Variants in TESK2 observed in about 807,000 individuals in gnomAD.
TESK2 encodes the protein dual specificity testis-specific protein kinase 2.
In TESK2, 39 loss-of-function variants were observed where a neutral mutation model predicts 57.1. That is an observed-to-expected ratio of 0.68 (90% CI 0.53 to 0.89). The LOEUF (loss-of-function observed/expected upper bound fraction) is 0.89. Among genes scored for constraint, TESK2 ranks in the 40% least tolerant of loss-of-function variants. The pLI is 0.00. For synonymous variants in TESK2, 249 were observed against 267.9 expected, an observed-to-expected ratio of 0.93 and a Z score of 0.69; for missense variants, 646 against 732.1, an observed-to-expected ratio of 0.88 and a Z score of 1.36.
chr1:45,417,614 CAG>C (rs1160522019), intron 3 of TESK2, among the ~76,000 whole-genome samples: 2 of 151,200 alleles, frequency 1.3e-5, no homozygotes, highest in East Asian at 3.9e-4. Context: ...TTTTTTGAGA[CAG>C]AGTCTCGCTC....
chr1:45,465,397 T>G (rs1180359430), intron 1 of TESK2, among the ~76,000 whole-genome samples: 1 of 114,736 alleles, frequency 8.7e-6, no homozygotes, highest in African/African-American at 3.5e-5. Context: ...GGTGACAGAG[T>G]GAGACTCCAA....
rs1248941556 is a variant in TESK2, at chr1:45,344,418, C to G, written c.*422G>C. ...TTCAGGTCTGGGAAACAGCCATGAC[C>G]ATTACGGCCTCTTGATCAGCTCCAT... On this transcript the variant is annotated 3_prime_UTR_variant, in exon 11 of 11. Coordinates refer to ENST00000372086, the MANE Select transcript of TESK2 (RefSeq NM_007170.3). 5.7e-6 allele frequency: 1 copy of G among 176,978 alleles called. No individual in the cohort carries two copies. Among genetic ancestry groups the G allele is most frequent in the African/African-American group, 2.4e-5 (1 of 41,854 alleles). The allele number at this position is 176,978 out of a possible 1,614,324, so 11.0% of individuals were successfully genotyped here. A position where few individuals can be genotyped will look rare whatever the true frequency, so the allele number is the denominator to read the frequency against.
rs561417592 is a variant in TESK2 at position 45,422,260 on chromosome 1, G to A, written c.223-414C>T. Among the ~76,000 whole-genome samples, 14 of 152,228 alleles carry A rather than the reference G, an allele frequency of 9.2e-5. 1 individual carries two copies. The South Asian group carries it at 1.9e-3, about 20-fold the overall frequency. Reference sequence around the variant, plus strand: ...ATGGACACAGAGAGGGAAACAACACGCACCAGGGCCTGTTAGCGGGTGGGG... The same window carrying A: ...ATGGACACAGAGAGGGAAACAACACACACCAGGGCCTGTTAGCGGGTGGGG... On this transcript the variant is annotated intron_variant, in intron 2 of 10. Coordinates refer to ENST00000372086, the MANE Select transcript of TESK2 (RefSeq NM_007170.3).
intron 4 of TESK2, among the ~76,000 whole-genome samples, chr1:45,366,912 T>C (rs899099841): frequency 6.6e-5 from 10 of 152,166 alleles, no homozygotes; most frequent in African/African-American, 1.4e-4. Flanking sequence ...GGTGGGCAGA[T>C]TGCTTGAGCT....
At chr1:45,467,103 T>C (rs1040829585) in intron 1 of TESK2, among the ~76,000 whole-genome samples, 1 of 152,138 alleles carries the variant, frequency 6.6e-6, no homozygotes, top group Non-Finnish European at 1.5e-5. Flanking sequence ...AGACATCCAC[T>C]ATACTAATAA....
intron 1 of TESK2, among the ~76,000 whole-genome samples, chr1:45,458,734 T>C (rs1315108800): frequency 6.6e-6 from 1 of 151,850 alleles, no homozygotes; most frequent in African/African-American, 2.4e-5. Context: ...TATTATATAA[T>C]TTTTAAAAAA....
intron 4 of TESK2, among the ~76,000 whole-genome samples, chr1:45,384,761 G>A (rs1324788540): frequency 1.3e-5 from 2 of 151,474 alleles, no homozygotes; most frequent in African/African-American, 4.9e-5. Context: ...CCCTGGGGCA[G>A]GTATTATTAA....
At position 45,356,728 on chromosome 1, in the gene TESK2, T is replaced by G. The variant is rs187069389; in HGVS notation, c.394-1279A>C. 8.5e-5 allele frequency among the ~76,000 whole-genome samples: 13 copies of G among 152,120 alleles called. No homozygotes were observed. In the East Asian group the frequency reaches 2.1e-3, roughly 25 times the overall value. Reference sequence around the variant, plus strand: ...GGAAATGATCTAAATAGAGTCAGTTTGAAGCTTAAGAACAAAGTCTAAGTG... The same window carrying G: ...GGAAATGATCTAAATAGAGTCAGTTGGAAGCTTAAGAACAAAGTCTAAGTG... On this transcript the variant is annotated intron_variant, in intron 4 of 10. Coordinates refer to ENST00000372086, the MANE Select transcript of TESK2 (RefSeq NM_007170.3).
chr1:45,400,054 TGGC>T (rs1649536766), intron 3 of TESK2, among the ~76,000 whole-genome samples: 1 of 152,138 alleles, frequency 6.6e-6, no homozygotes, highest in Admixed American at 6.6e-5. Flanking sequence ...TCGCATTATA[TGGC>T]AAGGGAAATA....
Position 45,350,237 on chromosome 1 carries a change from G to A in TESK2, c.541-2237C>T, listed in dbSNP as rs562645227. ...CTGAGCTGACAAGAGACTCAAAAGG[G>A]TGGCCATGGATGCATTTCCTGGAAA... On this transcript the variant is annotated intron_variant, in intron 5 of 10. Coordinates refer to ENST00000372086, the MANE Select transcript of TESK2 (RefSeq NM_007170.3). 3.3e-5 allele frequency among the ~76,000 whole-genome samples: 5 copies of A among 151,834 alleles called. No homozygotes were observed. In the South Asian group the frequency reaches 8.3e-4, roughly 25 times the overall value.
intron 3 of TESK2, chr1:45,413,809 G>A (rs1178306621): frequency 2.2e-6 from 1 of 456,100 alleles, no homozygotes; most frequent in East Asian, 6.9e-5. Flanking sequence ...CCAAGAGATG[G>A]ATTCTTCCCA....
At chr1:45,394,458 T>C (rs1316743922) in intron 3 of TESK2, among the ~76,000 whole-genome samples, 3 of 151,522 alleles carry the variant, frequency 2.0e-5, no homozygotes, top group Non-Finnish European at 4.4e-5. Context: ...AAGGATTGCT[T>C]TTGTACTTTA....
intron 2 of TESK2, among the ~76,000 whole-genome samples, chr1:45,456,548 G>A (rs1379035492): frequency 1.3e-5 from 2 of 151,654 alleles, no homozygotes; most frequent in African/African-American, 4.8e-5. Context: ...TAAAATAAAG[G>A]GGAAATAACA....
At chr1:45,369,644 A>G (rs1648094212) in intron 4 of TESK2, among the ~76,000 whole-genome samples, 2 of 152,160 alleles carry the variant, frequency 1.3e-5, no homozygotes, top group African/African-American at 2.4e-5. Context: ...CGGCCGAGAA[A>G]AAGAATCAGG....
chr1:45,464,672 C>G (rs549291694), intron 1 of TESK2, among the ~76,000 whole-genome samples: 2 of 152,306 alleles, frequency 1.3e-5, no homozygotes, highest in East Asian at 3.9e-4. Context: ...ACCTTACTAA[C>G]CTCCTCAGTG....
At chr1:45,425,574 G>C (rs1192090894) in intron 2 of TESK2, among the ~76,000 whole-genome samples, 1 of 152,080 alleles carries the variant, frequency 6.6e-6, no homozygotes, top group Non-Finnish European at 1.5e-5. Context: ...AGGATTGCTT[G>C]AGCCCAGGAG....
At chr1:45,379,252 C>T (rs946794644) in intron 4 of TESK2, among the ~76,000 whole-genome samples, 1 of 152,132 alleles carries the variant, frequency 6.6e-6, no homozygotes, top group Admixed American at 6.6e-5. Flanking sequence ...TGAAGCCTTG[C>T]CCTCCTGGGC....
intron 3 of TESK2, among the ~76,000 whole-genome samples, chr1:45,390,759 A>ATTATTG (rs890339208): frequency 6.7e-6 from 1 of 149,286 alleles, no homozygotes; most frequent in African/African-American, 2.5e-5. Context: ...TATTATTATT[A>ATTATTG]TTATTGTTAT....
At chr1:45,469,521 A>C (rs1365933663) in intron 1 of TESK2, among the ~76,000 whole-genome samples, 1 of 152,224 alleles carries the variant, frequency 6.6e-6, no homozygotes, top group African/African-American at 2.4e-5. Flanking sequence ...AGTAGTTTCA[A>C]ACCTAAGCAC....
Sources: gnomAD v4.1 joint callset for allele counts (sites outside exome capture counted in the v4.1 genomes callset) on GRCh38, gnomAD v4.1.1 for gene constraint, MANE v1.5 for transcripts, NCBI Gene and HGNC (gene_info 2026-07-23, HGNC 2026-07-21) for gene names.